STK32A: variants seen among roughly 807,000 people sequenced by gnomAD.
The protein encoded by STK32A is serine/threonine-protein kinase 32A.
Under a neutral mutation model 53.2 loss-of-function variants are expected in STK32A, and 41 were observed. The observed-to-expected ratio is 0.77, with a 90% CI of 0.60 to 1.00. STK32A has a LOEUF of 1.00. Ranked by LOEUF, STK32A falls within the 50% of genes least tolerant of loss-of-function variation. STK32A has a pLI of 0.00. For missense variants in STK32A, 458 were observed against 485.8 expected (o/e 0.94, Z 0.54); for synonymous variants, 166 against 162.8 (o/e 1.02, Z -0.15).
intron 4 of STK32A, among the ~76,000 whole-genome samples, chr5:147,300,568 T>G (rs1278340472): frequency 1.3e-5 from 2 of 152,250 alleles, no homozygotes; most frequent in Admixed American, 6.5e-5. Flanking sequence ...AGCATGTGAA[T>G]GAATGTGTGT....
intron 5 of STK32A, among the ~76,000 whole-genome samples, chr5:147,329,490 G>C (rs1044980095): frequency 6.6e-6 from 1 of 152,228 alleles, no homozygotes; most frequent in Non-Finnish European, 1.5e-5. Context: ...CCTGTCATAA[G>C]AAGTTGTTAA....
rs78038842 is a variant in STK32A, at chr5:147,337,861, A to T, written c.435-5145A>T. On this transcript the variant is annotated intron_variant, in intron 5 of 12. Coordinates refer to ENST00000397936, the MANE Select transcript of STK32A (RefSeq NM_001112724.2). ...TAGTGTGATAGATATGCCAGTTTGGAAATTGTATTGAATAAATGCTAGTCA... is the reference window on the plus strand; with the variant it reads ...TAGTGTGATAGATATGCCAGTTTGGTAATTGTATTGAATAAATGCTAGTCA... Among the ~76,000 whole-genome samples the T allele has an allele frequency of 1.5e-3, 235 of 152,310 alleles. 1 individual carries two copies. The highest frequency in any genetic ancestry group is 5.5e-3 in the African/African-American group (230 of 41,570).
chr5:147,342,999 C>T lies in STK32A; in HGVS notation c.435-7C>T. 1 of 1,613,160 alleles carries T rather than the reference C, an allele frequency of 6.2e-7. No individual in the cohort carries two copies. Among genetic ancestry groups the T allele is most frequent in the Non-Finnish European group, 8.5e-7 (1 of 1,179,622 alleles). On this transcript the variant is annotated splice_polypyrimidine_tract_variant and splice_region_variant and intron_variant, in intron 5 of 12. Transcript: ENST00000397936. ...AGCAACTTTCTTTTTTCTTTTTACT[C>T]CTCTAGGGATATGAAGCCTGACAAT...
At chr5:147,321,207 A>G (rs1754297522) in intron 4 of STK32A, among the ~76,000 whole-genome samples, 1 of 152,232 alleles carries the variant, frequency 6.6e-6, no homozygotes, top group South Asian at 2.1e-4. Context: ...CCCACCAAAG[A>G]AAGTTGCAGA....
chr5:147,362,873 A>T (rs534583310), intron 8 of STK32A, among the ~76,000 whole-genome samples: 30 of 152,286 alleles, frequency 2.0e-4, no homozygotes, highest in Admixed American at 2.0e-4. Context: ...CCTTGAGCCC[A>T]GGAGTGTGAG....
chr5:147,280,036 T>C (rs1047740722), intron 4 of STK32A, among the ~76,000 whole-genome samples: 1 of 152,134 alleles, frequency 6.6e-6, no homozygotes, highest in African/African-American at 2.4e-5. Context: ...AGTTTCTGAC[T>C]TTACCTGGAG....
intron 8 of STK32A, among the ~76,000 whole-genome samples, chr5:147,362,653 G>C (rs563463739): frequency 6.6e-6 from 1 of 152,082 alleles, no homozygotes. Context: ...AGTCCCAAAA[G>C]TCTTAACTTA....
At position 147,321,445 on chromosome 5, in the gene STK32A, A is replaced by G. The variant is rs992519666; in HGVS notation, c.261-2453A>G. ...TCTGATGTGCCAAAGGAGAAAGATG[A>G]TTTTTAAGAGCCAAACGTGCCTCCA... On this transcript the variant is annotated intron_variant, in intron 4 of 12. Transcript: ENST00000397936. Among the ~76,000 whole-genome samples the G allele has an allele frequency of 3.3e-5, 5 of 152,330 alleles. No homozygotes were observed. The East Asian group carries it at 9.6e-4, about 29-fold the overall frequency.
At chr5:147,311,879 T>G (rs1343815218) in intron 4 of STK32A, among the ~76,000 whole-genome samples, 2 of 151,598 alleles carry the variant, frequency 1.3e-5, no homozygotes, top group African/African-American at 4.9e-5. Context: ...ATTACAAGCG[T>G]GAGTCATCTG....
At chr5:147,329,879 C>T (rs1485997577) in intron 5 of STK32A, among the ~76,000 whole-genome samples, 2 of 152,188 alleles carry the variant, frequency 1.3e-5, no homozygotes, top group East Asian at 1.9e-4. Flanking sequence ...TGAATGAGGA[C>T]AGTATGTATA....
chr5:147,247,249 A>G (rs1013058887), intron 2 of STK32A, among the ~76,000 whole-genome samples: 2 of 152,210 alleles, frequency 1.3e-5, no homozygotes, highest in Non-Finnish European at 2.9e-5. Context: ...GTTAGCCCTC[A>G]ATTCACAAAC....
chr5:147,287,214 C>G (rs370394841), intron 4 of STK32A, among the ~76,000 whole-genome samples: 10 of 152,278 alleles, frequency 6.6e-5, no homozygotes, highest in African/African-American at 2.4e-4. Context: ...CTTGCAGTAT[C>G]TGTTACCTCC....
chr5:147,259,314 C>G lies in STK32A; in HGVS notation c.53-18810C>G, dbSNP rs1163286264. Among the ~76,000 whole-genome samples, 3 of 152,106 alleles carry G rather than the reference C, an allele frequency of 2.0e-5. No individual in the cohort carries two copies. In the East Asian group the frequency reaches 5.8e-4, roughly 29 times the overall value. ...GAGGTTTCCTCTAAAAGTTACTTTTCTACTTCCTTCTGTTAGCAAAGCAGT... is the reference window on the plus strand; with the variant it reads ...GAGGTTTCCTCTAAAAGTTACTTTTGTACTTCCTTCTGTTAGCAAAGCAGT... On this transcript the variant is annotated intron_variant, in intron 2 of 12. Coordinates refer to ENST00000397936, the MANE Select transcript of STK32A (RefSeq NM_001112724.2).
chr5:147,302,552 C>G (rs1753190605), intron 4 of STK32A, among the ~76,000 whole-genome samples: 1 of 152,126 alleles, frequency 6.6e-6, no homozygotes, highest in Admixed American at 6.5e-5. Context: ...ACATTCTACT[C>G]TGAAGATGTA....
chr5:147,308,091 G>C (rs1462916060), intron 4 of STK32A, among the ~76,000 whole-genome samples: 1 of 150,160 alleles, frequency 6.7e-6, no homozygotes, highest in Non-Finnish European at 1.5e-5. Flanking sequence ...ATTAATTCAG[G>C]GATAACTAAC....
At chr5:147,267,075 G>C (rs1242271673) in intron 2 of STK32A, among the ~76,000 whole-genome samples, 3 of 150,174 alleles carry the variant, frequency 2.0e-5, no homozygotes, top group Non-Finnish European at 3.0e-5. Flanking sequence ...CTGAAACAAA[G>C]GTAATTCATC....
At chr5:147,245,864 G>A (rs1056057690) in intron 2 of STK32A, among the ~76,000 whole-genome samples, 4 of 152,166 alleles carry the variant, frequency 2.6e-5, no homozygotes, top group African/African-American at 7.2e-5. Flanking sequence ...GCTGTTTCCA[G>A]TTTTCCAGCA....
At chr5:147,397,830 T>C in the STK32A span, 10 of 1,608,160 alleles carry the variant, frequency 6.2e-6, no homozygotes, top group Non-Finnish European at 8.5e-6. Context: ...CCTTCAAAGA[T>C]GTTGTACTCT....
rs115052738 is a variant in STK32A at position 147,283,899 on chromosome 5, G to A, written c.260+4501G>A. Among the ~76,000 whole-genome samples, 573 of 151,236 alleles carry A rather than the reference G, an allele frequency of 3.8e-3. 2 individuals are homozygous for A. The highest frequency in any genetic ancestry group is 8.1e-3 in the African/African-American group (335 of 41,374). ...TTGGTACCAATTCTTTTGACACTAA[G>A]GAAACCTCCCTAATTCATCCTATGA... On this transcript the variant is annotated intron_variant, in intron 4 of 12. Coordinates refer to ENST00000397936, the MANE Select transcript of STK32A (RefSeq NM_001112724.2).
Sources: gnomAD v4.1 joint callset for allele counts (sites outside exome capture counted in the v4.1 genomes callset) on GRCh38, gnomAD v4.1.1 for gene constraint, MANE v1.5 for transcripts, NCBI Gene and HGNC (gene_info 2026-07-23, HGNC 2026-07-21) for gene names.